Variants in KCNN2 observed in about 807,000 individuals in gnomAD.
KCNN2 encodes potassium calcium-activated channel subfamily N member 2, also known as small conductance calcium-activated potassium channel protein 2.
In KCNN2, 24 loss-of-function variants were observed where a neutral mutation model predicts 55.5. That is an observed-to-expected ratio of 0.43 (90% CI 0.31 to 0.61). The LOEUF (loss-of-function observed/expected upper bound fraction) is 0.61, where lower values mean the gene tolerates loss of function less well. Among genes scored for constraint, KCNN2 ranks in the 20% least tolerant of loss-of-function variants. The probability of loss-of-function intolerance (pLI) is 0.08; values close to 1 mark genes in which losing one functional copy is unlikely to be tolerated. For synonymous variants in KCNN2, 431 were observed against 336.1 expected (o/e 1.28, Z -3.09); for missense variants, 754 against 853.6 (o/e 0.88, Z 1.45).
At chr5:114,457,071 A>T (rs1046732369) in intron 3 of KCNN2, among the ~76,000 whole-genome samples, 1 of 152,200 alleles carries the variant, frequency 6.6e-6, no homozygotes, top group African/African-American at 2.4e-5. Flanking sequence ...AAGAAGTTCT[A>T]TGGGTAAAAT....
At chr5:114,377,784 A>G (rs1278106727) in intron 2 of KCNN2, among the ~76,000 whole-genome samples, 1 of 152,192 alleles carries the variant, frequency 6.6e-6, no homozygotes, top group Non-Finnish European at 1.5e-5. Context: ...TAAAATGGAA[A>G]TGATCATTGT....
At chr5:114,283,897 A>G (rs1175898842) in intron 2 of KCNN2, among the ~76,000 whole-genome samples, 1 of 152,144 alleles carries the variant, frequency 6.6e-6, no homozygotes, top group Non-Finnish European at 1.5e-5. Context: ...TACCTTTGTC[A>G]CGCATTACAT....
At chr5:114,247,810 A>G (rs1213102941) in intron 2 of KCNN2, among the ~76,000 whole-genome samples, 1 of 152,150 alleles carries the variant, frequency 6.6e-6, no homozygotes, top group Non-Finnish European at 1.5e-5. Context: ...TTGTTGACAT[A>G]GTAGTTTTTT....
Position 114,153,802 on chromosome 5 carries a change from A to G in KCNN2, c.-270-67678A>G, listed in dbSNP as rs11948917. On this transcript the variant is annotated intron_variant, in intron 1 of 10. Transcript: ENST00000512097. ...CAGAAAGACAAAACACTCATGGAGA[A>G]CTTCTCCAAACGATCTCCAGGAAGA... Among the ~76,000 whole-genome samples, 1,421 of 152,308 alleles carry G rather than the reference A, an allele frequency of 9.3e-3. 21 individuals are homozygous for G. Among genetic ancestry groups the G allele is most frequent in the African/African-American group, 0.032 (1,349 of 41,584 alleles).
At chr5:114,480,052 C>G (rs1266259816) in intron 5 of KCNN2, among the ~76,000 whole-genome samples, 1 of 151,254 alleles carries the variant, frequency 6.6e-6, no homozygotes, top group Non-Finnish European at 1.5e-5. Flanking sequence ...ACAAATAACC[C>G]TTCAAAAAAA....
At chr5:114,486,927 T>G in intron 5 of KCNN2, 123 bp from the exon 6 acceptor site, 3 of 1,266,748 alleles carry the variant, frequency 2.4e-6, no homozygotes, top group Non-Finnish European at 3.4e-6. Context: ...GTATTTGGAG[T>G]CATGGTTACT....
chr5:114,217,089 C>T (rs1351831322), intron 1 of KCNN2, among the ~76,000 whole-genome samples: 1 of 152,026 alleles, frequency 6.6e-6, no homozygotes, highest in East Asian at 1.9e-4. Flanking sequence ...AGCTACAAAA[C>T]TTTGATGAAA....
rs529080649 is a variant in KCNN2 at position 114,084,094 on chromosome 5, A to G, written c.-271+27594A>G. On this transcript the variant is annotated intron_variant, in intron 1 of 10. Coordinates refer to the KCNN2 transcript ENST00000512097. ...CTAGTCACTTTTTGAAGGATATCTT[A>G]GTTGCTTCGTCTTTTTGGCAAATAT... is the stretch of plus-strand genomic sequence containing the variant. Among the ~76,000 whole-genome samples, 5 of 152,192 alleles carry G rather than the reference A, an allele frequency of 3.3e-5. No individual in the cohort carries two copies. In the South Asian group the frequency reaches 8.3e-4, roughly 25 times the overall value.
intron 1 of KCNN2, among the ~76,000 whole-genome samples, chr5:114,124,948 C>T (rs1184298127): frequency 6.6e-6 from 1 of 152,050 alleles, no homozygotes; most frequent in Non-Finnish European, 1.5e-5. Flanking sequence ...TTCTCATTCA[C>T]CAGAGGTAAG....
intron 2 of KCNN2, among the ~76,000 whole-genome samples, chr5:114,303,502 G>A (rs1361823915): frequency 1.3e-5 from 2 of 152,170 alleles, no homozygotes; most frequent in African/African-American, 4.8e-5. Flanking sequence ...GGCACGCAGA[G>A]GCCAGAGCTT....
At chr5:114,470,633 A>G (rs1403664242) in intron 4 of KCNN2, among the ~76,000 whole-genome samples, 1 of 152,210 alleles carries the variant, frequency 6.6e-6, no homozygotes, top group Non-Finnish European at 1.5e-5. Flanking sequence ...CCAGATCTAA[A>G]ATACCTCGCT....
chr5:114,279,051 A>T (rs1411255553), intron 2 of KCNN2, among the ~76,000 whole-genome samples: 1 of 151,922 alleles, frequency 6.6e-6, no homozygotes, highest in Non-Finnish European at 1.5e-5. Context: ...ATTGGCCCAA[A>T]CTTTCATTAT....
At chr5:114,190,917 T>A (rs73779743) in intron 1 of KCNN2, among the ~76,000 whole-genome samples, 2 of 152,118 alleles carry the variant, frequency 1.3e-5, no homozygotes, top group Non-Finnish European at 2.9e-5. Flanking sequence ...ATAGCTCCCT[T>A]CGACACTCTT....
intron 3 of KCNN2, among the ~76,000 whole-genome samples, chr5:114,417,802 A>T (rs1417581221): frequency 6.6e-6 from 1 of 152,320 alleles, no homozygotes; most frequent in East Asian, 1.9e-4. Flanking sequence ...ATGGTATTCT[A>T]TACCATGTAA....
chr5:114,362,803 G>A lies in KCNN2; in HGVS notation c.664G>A (p.Val222Ile). ...AMSSCRYNGG[V>I]MRPLSNLSAS... ...GAGCAGCTGCAGGTACAACGGGGGCGTCATGCGGCCGCTCAGCAACTTGAG... is the reference window on the plus strand; with the variant it reads ...GAGCAGCTGCAGGTACAACGGGGGCATCATGCGGCCGCTCAGCAACTTGAG... Residue 222 changes from valine to isoleucine, a missense_variant, in exon 1 of 8, where the codon GTC (valine) becomes ATC (isoleucine). This residue lies in a region of KCNN2 where 381 missense variants were observed against 259.1 expected (regional missense o/e 1.47). Transcript: ENST00000673685. The A allele has an allele frequency of 6.3e-7, 1 of 1,596,984 alleles. No individual in the cohort carries two copies. The highest frequency in any genetic ancestry group is 8.5e-7 in the Non-Finnish European group (1 of 1,176,970).
chr5:114,429,531 CT>C (rs1186730620), intron 3 of KCNN2, among the ~76,000 whole-genome samples: 1 of 151,956 alleles, frequency 6.6e-6, no homozygotes, highest in African/African-American at 2.4e-5. Context: ...TTTAAGTGTT[CT>C]TTGTATCTCT....
rs1012373814 is a variant in KCNN2, at chr5:114,487,166, A to G, written c.2007A>G (p.Gln669=). The change falls in exon 6 of 8, where the codon CAA becomes CAG. Residue 669 remains glutamine (Q), a synonymous_variant. Coordinates refer to ENST00000673685, the MANE Select transcript of KCNN2 (RefSeq NM_021614.4). Reference sequence around the variant, plus strand: ...GAAAACATCAACGAAAATTCCTGCAAGCTATTCATCAGTAAGTATCATTTT... The same window carrying G: ...GAAAACATCAACGAAAATTCCTGCAGGCTATTCATCAGTAAGTATCATTTT... ...KVRKHQRKFL[Q]AIHQLRSVKM... is the part of the protein sequence containing the mutation. The G allele has an allele frequency of 6.2e-7, 1 of 1,612,766 alleles. No homozygotes were observed. Among genetic ancestry groups the G allele is most frequent in the African/African-American group, 1.3e-5 (1 of 74,874 alleles).
At chr5:114,134,558 C>T (rs1423120376) in intron 1 of KCNN2, among the ~76,000 whole-genome samples, 1 of 151,570 alleles carries the variant, frequency 6.6e-6, no homozygotes, top group African/African-American at 2.4e-5. Context: ...TCACTGCAAC[C>T]TCCGCCCTCC....
intron 2 of KCNN2, among the ~76,000 whole-genome samples, chr5:114,277,287 A>T (rs907989998): frequency 2.0e-5 from 3 of 151,748 alleles, no homozygotes; most frequent in Non-Finnish European, 4.4e-5. Context: ...CTTCATTTCA[A>T]CCTTGGTGAA....
Sources: gnomAD v4.1 joint callset for allele counts (sites outside exome capture counted in the v4.1 genomes callset) on GRCh38, gnomAD v4.1.1 for gene constraint, gnomAD v4.1.1 regional missense constraint, MANE v1.5 for transcripts, NCBI Gene and HGNC (gene_info 2026-07-23, HGNC 2026-07-21) for gene names.